ITSN1: variants seen among roughly 807,000 people sequenced by gnomAD.
ITSN1 encodes intersectin 1.
Under a neutral mutation model 239.8 loss-of-function variants are expected in ITSN1, and 58 were observed. The ratio of observed to expected loss-of-function variants is 0.24; its 90% CI spans 0.20 to 0.30. ITSN1 has a LOEUF of 0.30. Ranked by LOEUF, ITSN1 falls within the 10% of genes least tolerant of loss-of-function variation. The pLI, the probability that ITSN1 is intolerant of heterozygous loss-of-function variation, is 1.00. For synonymous variants in ITSN1, 780 were observed against 770.8 expected (o/e 1.01, Z -0.20); for missense variants, 1,558 against 2,103.3 (o/e 0.74, Z 5.07).
In ITSN1 at chr21:33,682,171, T is replaced by G. The variant is rs2090999271; in HGVS notation, c.-32-36626T>G. 2.6e-5 allele frequency among the ~76,000 whole-genome samples: 4 copies of G among 151,968 alleles called. No homozygotes were observed. In the South Asian group the frequency reaches 8.3e-4, roughly 32 times the overall value. On this transcript the variant is annotated intron_variant, in intron 1 of 39. Coordinates refer to ENST00000381318, the MANE Select transcript of ITSN1 (RefSeq NM_003024.3). ...TCTATTTGGCTACTCAGGACAACTA[T>G]TGGTGTTTTGTTATATATCCTCCTA...
chr21:33,817,745 A>AGATGT, intron 22 of ITSN1: 1 of 833,252 alleles, frequency 1.2e-6, no homozygotes, highest in Non-Finnish European at 1.6e-6. Flanking sequence ...AATTTATGCT[A>AGATGT]ACCAAATCCC....
rs572244393 is a variant in ITSN1 at position 33,779,070 on chromosome 21, G to T, written c.1597-2391G>T. On this transcript the variant is annotated intron_variant, in intron 14 of 39. Transcript: ENST00000381318. ...CTTCTTTTCTTGATCAGTCTATCTG[G>T]AGTTTGTTTATTTTTAAAAAATAAG... is the stretch of plus-strand genomic sequence containing the variant. Among the ~76,000 whole-genome samples, 7 of 149,068 alleles carry T rather than the reference G, an allele frequency of 4.7e-5. No individual in the cohort carries two copies. The South Asian group carries it at 1.5e-3, about 32-fold the overall frequency.
At chr21:33,855,292 G>A (rs551323318) in intron 29 of ITSN1, among the ~76,000 whole-genome samples, 1 of 152,226 alleles carries the variant, frequency 6.6e-6, no homozygotes, top group Non-Finnish European at 1.5e-5. Flanking sequence ...TTCAGCCGGG[G>A]CATCTCTAGC....
intron 1 of ITSN1, among the ~76,000 whole-genome samples, chr21:33,711,005 A>T (rs1364774144): frequency 6.6e-6 from 1 of 151,528 alleles, no homozygotes; most frequent in Non-Finnish European, 1.5e-5. Flanking sequence ...GTTGGCCAGG[A>T]TGGTCTCGAT....
intron 24 of ITSN1, among the ~76,000 whole-genome samples, chr21:33,820,915 T>C (rs928446807): frequency 2.0e-5 from 3 of 152,176 alleles, no homozygotes; most frequent in Non-Finnish European, 4.4e-5. Flanking sequence ...GGCTGGAGTT[T>C]GTATCTTGAC....
intron 5 of ITSN1, among the ~76,000 whole-genome samples, chr21:33,747,898 G>A (rs1454022434): frequency 2.0e-5 from 3 of 152,074 alleles, no homozygotes; most frequent in Non-Finnish European, 2.9e-5. Context: ...GAAATGAAGA[G>A]CATCAAAAAT....
At chr21:33,828,761 A>G (rs1433904015) in intron 26 of ITSN1, among the ~76,000 whole-genome samples, 2 of 152,186 alleles carry the variant, frequency 1.3e-5, no homozygotes, top group Non-Finnish European at 2.9e-5. Flanking sequence ...GTAGTTGCAG[A>G]TGAGCCAGAA....
At position 33,865,378 on chromosome 21, in the gene ITSN1, T is replaced by C. The variant is rs747369141; in HGVS notation, c.4074+44T>C. The C allele has an allele frequency of 7.0e-7, 1 of 1,429,194 alleles. No homozygotes were observed. The highest frequency in any genetic ancestry group is 2.5e-5 in the East Asian group (1 of 39,936). The allele number at this position is 1,429,194 out of a possible 1,614,324, so 88.5% of individuals were successfully genotyped here. A position where few individuals can be genotyped will look rare whatever the true frequency, so the allele number is the denominator to read the frequency against. On this transcript the variant is annotated intron_variant, in intron 32 of 39. Transcript: ENST00000381318. The surrounding 1 kb of genome is among the most constrained non-coding windows in gnomAD (Gnocchi z 4.4). ...CAGAGACTGGGCCCCAGAGTGGCGA[T>C]CTTTGGGCAGCTGGATGTGTGAGGG...
intron 6 of ITSN1, among the ~76,000 whole-genome samples, chr21:33,751,495 A>G (rs1483034951): frequency 3.3e-5 from 5 of 152,244 alleles, no homozygotes; most frequent in African/African-American, 1.2e-4. Flanking sequence ...CATTTTATAT[A>G]TTTAAGCTGT....
chr21:33,677,106 G>C (rs1022350576), intron 1 of ITSN1, among the ~76,000 whole-genome samples: 1 of 152,004 alleles, frequency 6.6e-6, no homozygotes, highest in Non-Finnish European at 1.5e-5. Context: ...GTATACATAT[G>C]TAACAAAACC....
chr21:33,862,761 G>A (rs1470785183), intron 31 of ITSN1, among the ~76,000 whole-genome samples: 1 of 152,198 alleles, frequency 6.6e-6, no homozygotes, highest in African/African-American at 2.4e-5. Flanking sequence ...TATTAGCTCT[G>A]AGACTTGGGT....
At chr21:33,847,882 A>G (rs918973270) in intron 29 of ITSN1, among the ~76,000 whole-genome samples, 1 of 152,148 alleles carries the variant, frequency 6.6e-6, no homozygotes, top group East Asian at 1.9e-4. Context: ...TGTACATGGG[A>G]ACCACACGGG....
chr21:33,725,120 AT>A (rs1393697813), intron 4 of ITSN1, among the ~76,000 whole-genome samples: 78 of 118,760 alleles, frequency 6.6e-4, no homozygotes, highest in South Asian at 2.0e-3. Context: ...AAAAAAAAAA[AT>A]TTTTTTTTTT....
chr21:33,726,696 A>G (rs939828645), intron 4 of ITSN1, among the ~76,000 whole-genome samples: 2 of 151,826 alleles, frequency 1.3e-5, no homozygotes, highest in Non-Finnish European at 2.9e-5. Context: ...TAATTTTTGT[A>G]TTTTATGTAG....
chr21:33,766,858 A>G (rs1475919585), intron 10 of ITSN1, among the ~76,000 whole-genome samples: 1 of 152,198 alleles, frequency 6.6e-6, no homozygotes, highest in East Asian at 1.9e-4. Flanking sequence ...CGGTTTAAAC[A>G]CAGCAAAGTT....
intron 1 of ITSN1, among the ~76,000 whole-genome samples, chr21:33,714,283 A>G (rs2092505041): frequency 6.6e-6 from 1 of 152,304 alleles, no homozygotes; most frequent in South Asian, 2.1e-4. Context: ...ATCGGGCTTT[A>G]ATTGGGGAGG....
At chr21:33,660,757 G>A (rs1447212448) in intron 1 of ITSN1, among the ~76,000 whole-genome samples, 1 of 152,170 alleles carries the variant, frequency 6.6e-6, no homozygotes, top group African/African-American at 2.4e-5. Flanking sequence ...GTTTCTTAAG[G>A]ATTGGTTGCA....
chr21:33,817,325 G>C, intron 22 of ITSN1: 2 of 1,304,368 alleles, frequency 1.5e-6, no homozygotes, highest in Non-Finnish European at 2.0e-6. Context: ...TCCACCTCGA[G>C]GCTTTTGCCC....
intron 20 of ITSN1, among the ~76,000 whole-genome samples, chr21:33,806,937 C>A (rs2072503411): frequency 6.6e-6 from 1 of 152,128 alleles, no homozygotes; most frequent in South Asian, 2.1e-4. Flanking sequence ...TTTTCCAAAT[C>A]CAAGAAGAAA....
Sources: allele counts gnomAD v4.1 joint callset (sites outside exome capture counted in the v4.1 genomes callset), GRCh38; gene constraint gnomAD v4.1.1; non-coding constraint Gnocchi (gnomAD v3.1); transcripts MANE v1.5; gene names NCBI Gene and HGNC (gene_info 2026-07-23, HGNC 2026-07-21).